The following GALNT18 variants were observed in gnomAD, a reference collection of about 807,000 sequenced individuals.
The protein encoded by GALNT18 is GalNAc-transferase 18.
GALNT18 carries 44 observed loss-of-function variants against 69.5 expected under a neutral mutation model. The ratio of observed to expected loss-of-function variants is 0.63; its 90% confidence interval spans 0.50 to 0.81. The LOEUF (loss-of-function observed/expected upper bound fraction) is 0.81. Ranked by LOEUF, GALNT18 falls within the 40% of genes least tolerant of loss-of-function variation. GALNT18 has a pLI of 0.00. For missense variants in GALNT18, 715 were observed against 810.0 expected, an observed-to-expected ratio of 0.88 and a Z score of 1.42; for synonymous variants, 364 against 318.2, an observed-to-expected ratio of 1.14 and a Z score of -1.53.
At chr11:11,355,557 T>A (rs888162797) in intron 6 of GALNT18, among the ~76,000 whole-genome samples, 2 of 151,756 alleles carry the variant, frequency 1.3e-5, no homozygotes, top group African/African-American at 4.9e-5. Flanking sequence ...AAATTAAAAT[T>A]TATTTACATA....
chr11:11,392,401 C>T (rs888114741), intron 3 of GALNT18, among the ~76,000 whole-genome samples: 1 of 152,226 alleles, frequency 6.6e-6, no homozygotes, highest in Non-Finnish European at 1.5e-5. Context: ...AGGCAGATCA[C>T]CCGAGGTCGG....
intron 1 of GALNT18, among the ~76,000 whole-genome samples, chr11:11,524,220 AG>A (rs973644012): frequency 6.6e-6 from 1 of 152,194 alleles, no homozygotes; most frequent in Non-Finnish European, 1.5e-5. Flanking sequence ...CTCAGATGCT[AG>A]GTGGCCCAAA....
rs148613754 is a variant in GALNT18, at chr11:11,273,732, T to G, written c.1678-2442A>C. 1.8e-4 allele frequency among the ~76,000 whole-genome samples: 28 copies of G among 152,302 alleles called. No individual in the cohort carries two copies. In the East Asian group the frequency reaches 4.6e-3, roughly 25 times the overall value. ...AAAGGAAACCAGCATATTGAAGAGA[T>G]ATCTGCACTCCCATGTTTATTGCAG... On this transcript the variant is annotated intron_variant, in intron 10 of 10. Coordinates refer to ENST00000227756, the MANE Select transcript of GALNT18 (RefSeq NM_198516.3).
At chr11:11,386,885 C>A (rs1479829945) in intron 3 of GALNT18, among the ~76,000 whole-genome samples, 1 of 152,168 alleles carries the variant, frequency 6.6e-6, no homozygotes, top group East Asian at 1.9e-4. Context: ...GCATAAGAAT[C>A]AGCTTGTTGA....
At chr11:11,392,488 G>A (rs187361134) in intron 3 of GALNT18, among the ~76,000 whole-genome samples, 220 of 152,222 alleles carry the variant, frequency 1.4e-3, no homozygotes, top group Non-Finnish European at 2.2e-3. Flanking sequence ...GTGTGGTAGC[G>A]CATGCCTGTA....
rs1859669160 is a variant in GALNT18 at position 11,603,014 on chromosome 11, T to C, written c.235+18345A>G. Reference sequence around the variant, plus strand: ...TGGGTTGTCCCATATAACCTGAGAATATTAAATTGCTAAAAACTCTGGTTA... The same window carrying C: ...TGGGTTGTCCCATATAACCTGAGAACATTAAATTGCTAAAAACTCTGGTTA... On this transcript the variant is annotated intron_variant, in intron 1 of 10. Transcript: ENST00000227756. The surrounding 1 kb of genome is among the most constrained non-coding windows in gnomAD (Gnocchi z 4.5). Among the ~76,000 whole-genome samples the C allele has an allele frequency of 6.6e-6, 1 of 152,190 alleles. No individual in the cohort carries two copies. Among genetic ancestry groups the C allele is most frequent in the African/African-American group, 2.4e-5 (1 of 41,462 alleles).
Position 11,413,834 on chromosome 11 carries a change from T to C in GALNT18, c.595+18787A>G, listed in dbSNP as rs1335692849. On this transcript the variant is annotated intron_variant, in intron 3 of 10. Coordinates refer to ENST00000227756, the MANE Select transcript of GALNT18 (RefSeq NM_198516.3). The surrounding 1 kb of genome is among the most constrained non-coding windows in gnomAD (Gnocchi z 4.7). Reference sequence around the variant, plus strand: ...TCCTGACCTCTTCCGAGAGCCTGGGTATCCGCTCTGTTCAGCAGTGCCCAT... The same window carrying C: ...TCCTGACCTCTTCCGAGAGCCTGGGCATCCGCTCTGTTCAGCAGTGCCCAT... 6.6e-6 allele frequency among the ~76,000 whole-genome samples: 1 copy of C among 152,216 alleles called. No individual in the cohort carries two copies. The highest frequency in any genetic ancestry group is 1.5e-5 in the Non-Finnish European group (1 of 68,030).
intron 5 of GALNT18, among the ~76,000 whole-genome samples, chr11:11,376,304 C>T (rs1402095577): frequency 6.6e-6 from 1 of 152,172 alleles, no homozygotes; most frequent in Non-Finnish European, 1.5e-5. Flanking sequence ...ATCACTTGAA[C>T]CCAGGGGCCA....
At chr11:11,400,019 T>G (rs1411634467) in intron 3 of GALNT18, among the ~76,000 whole-genome samples, 1 of 152,244 alleles carries the variant, frequency 6.6e-6, no homozygotes, top group Non-Finnish European at 1.5e-5. Context: ...TGGATTTAGT[T>G]GCCTGCTCCT....
rs1191398859 is a variant in GALNT18, at chr11:11,561,248, T to C, written c.235+60111A>G. On this transcript the variant is annotated intron_variant, in intron 1 of 10. Coordinates refer to ENST00000227756, the MANE Select transcript of GALNT18 (RefSeq NM_198516.3). ...AAACTCCCTCTGAGCCTAGCCACCT[T>C]CTCTTAATAGAAATCCAGGAGGCCT... Among the ~76,000 whole-genome samples, 3 of 152,020 alleles carry C rather than the reference T, an allele frequency of 2.0e-5. No individual in the cohort carries two copies. In the East Asian group the frequency reaches 5.8e-4, roughly 30 times the overall value.
intron 3 of GALNT18, among the ~76,000 whole-genome samples, chr11:11,380,907 C>T (rs1325163936): frequency 6.6e-6 from 1 of 152,224 alleles, no homozygotes; most frequent in East Asian, 1.9e-4. Flanking sequence ...TCTTGTCATT[C>T]AAGTGATCCT....
rs1859135434 is a variant in GALNT18, at chr11:11,583,456, A to G, written c.235+37903T>C. Among the ~76,000 whole-genome samples the G allele has an allele frequency of 6.6e-6, 1 of 152,222 alleles. No homozygotes were observed. ...AGACTATCTGAATCCATAGGTGAAAATAAAATCCACGGGGTAAAAAGGTTT... is the reference window on the plus strand; with the variant it reads ...AGACTATCTGAATCCATAGGTGAAAGTAAAATCCACGGGGTAAAAAGGTTT... On this transcript the variant is annotated intron_variant, in intron 1 of 10. Transcript: ENST00000227756. This position sits in a 1 kb window ranked among gnomAD's most constrained non-coding sequence, Gnocchi z 4.7.
intron 6 of GALNT18, among the ~76,000 whole-genome samples, chr11:11,359,655 A>C (rs1477421006): frequency 6.6e-6 from 1 of 152,214 alleles, no homozygotes; most frequent in East Asian, 1.9e-4. Context: ...TTTAGGCCCC[A>C]GCACTCCTGA....
chr11:11,274,333 G>A (rs1248754541), intron 10 of GALNT18, among the ~76,000 whole-genome samples: 2 of 152,204 alleles, frequency 1.3e-5, no homozygotes, highest in Non-Finnish European at 2.9e-5. Context: ...AGGAATGCCA[G>A]TGTGACAGAA....
chr11:11,396,366 T>C lies in GALNT18; in HGVS notation c.596-17102A>G, dbSNP rs1854327955. Among the ~76,000 whole-genome samples the C allele has an allele frequency of 6.6e-6, 1 of 152,052 alleles. No homozygotes were observed. The highest frequency in any genetic ancestry group is 1.5e-5 in the Non-Finnish European group (1 of 68,012). On this transcript the variant is annotated intron_variant, in intron 3 of 10. Transcript: ENST00000227756. This position sits in a 1 kb window ranked among gnomAD's most constrained non-coding sequence, Gnocchi z 5.2. The stretch of plus-strand genomic sequence containing the variant: ...GAGAGTTTGCTTAGAGATTAAATGA[T>C]GTCATCAGCAGTGGGGGGAGGAGAA...
In GALNT18 at chr11:11,542,661, T is replaced by C. The variant is rs928531744; in HGVS notation, c.235+78698A>G. ...CTTAGGCAGCATGGGTTCAAATCTC[T>C]GCTACTTTCTAGTTGTGTAATCTTG... is the stretch of plus-strand genomic sequence containing the variant. On this transcript the variant is annotated intron_variant, in intron 1 of 10. Coordinates refer to ENST00000227756, the MANE Select transcript of GALNT18 (RefSeq NM_198516.3). This position sits in a 1 kb window ranked among gnomAD's most constrained non-coding sequence, Gnocchi z 4.3. Among the ~76,000 whole-genome samples the C allele has an allele frequency of 1.3e-5, 2 of 152,238 alleles. No individual in the cohort carries two copies. The highest frequency in any genetic ancestry group is 4.8e-5 in the African/African-American group (2 of 41,464).
intron 9 of GALNT18, among the ~76,000 whole-genome samples, chr11:11,307,441 A>G (rs2091140891): frequency 6.6e-6 from 1 of 152,214 alleles, no homozygotes; most frequent in Admixed American, 6.5e-5. Context: ...GGAAGAGATG[A>G]GGGCATGTCC....
chr11:11,424,151 C>A (rs1463688421), intron 3 of GALNT18, among the ~76,000 whole-genome samples: 1 of 152,202 alleles, frequency 6.6e-6, no homozygotes, highest in Non-Finnish European at 1.5e-5. Context: ...AGGACCCCAG[C>A]CATCACCTGC....
intron 3 of GALNT18, among the ~76,000 whole-genome samples, chr11:11,380,803 A>C (rs1019141177): frequency 2.2e-4 from 34 of 152,306 alleles, no homozygotes; most frequent in African/African-American, 7.2e-4. Context: ...TGGAGGTCAA[A>C]GTGTTTTTGT....
Sources: allele counts gnomAD v4.1 joint callset (sites outside exome capture counted in the v4.1 genomes callset), GRCh38; gene constraint gnomAD v4.1.1; non-coding constraint Gnocchi (gnomAD v3.1); transcripts MANE v1.5; gene names NCBI Gene and HGNC (gene_info 2026-07-23, HGNC 2026-07-21).